Variants in NKPD1 observed in about 807,000 individuals in gnomAD.
NKPD1 encodes NTPase KAP family P-loop domain-containing protein 1.
Under a neutral mutation model 42.2 loss-of-function variants are expected in NKPD1, and 37 were observed. The ratio of observed to expected loss-of-function variants is 0.88; its 90% CI spans 0.67 to 1.15. The LOEUF is 1.15. Among genes scored for constraint, NKPD1 ranks in the 50% most tolerant of loss-of-function variants. The pLI is 0.00. For synonymous variants in NKPD1, 552 were observed against 536.5 expected, an observed-to-expected ratio of 1.03 and a Z score of -0.40; for missense variants, 1,113 against 1,174.6, an observed-to-expected ratio of 0.95 and a Z score of 0.77.
chr19:45,156,138 G>A (rs1423355651), intron 3 of NKPD1, among the ~76,000 whole-genome samples: 6 of 152,304 alleles, frequency 3.9e-5, no homozygotes, highest in Middle Eastern at 3.4e-3. Context: ...CTGGGAGGCT[G>A]GAATCCCCCC....
At chr19:45,162,654 G>A (rs1308650061), upstream of NKPD1, among the ~76,000 whole-genome samples, 1 of 152,220 alleles carries the variant, frequency 6.6e-6, no homozygotes, top group Non-Finnish European at 1.5e-5. Context: ...CCTACACTCC[G>A]GGCACTCCCA....
Position 45,158,655 on chromosome 19 carries a change from G to T in NKPD1, c.529+8C>A, listed in dbSNP as rs1968946940. 1.7e-6 allele frequency: 2 copies of T among 1,163,842 alleles called. No individual in the cohort carries two copies. Among genetic ancestry groups the T allele is most frequent in the Non-Finnish European group, 2.2e-6 (2 of 929,650 alleles). The allele number at this position is 1,163,842 out of a possible 1,614,324, so 72.1% of individuals were successfully genotyped here. On this transcript the variant is annotated splice_region_variant and intron_variant, in intron 3 of 4. Coordinates refer to ENST00000686631, the MANE Select transcript of NKPD1 (RefSeq NM_198478.4). The surrounding 1 kb of genome is among the most constrained non-coding windows in gnomAD (Gnocchi z 4.6). The stretch of plus-strand genomic sequence containing the variant: ...GGACAGGGCCCCCAAGAAGGCCAGG[G>T]TGAGCACCGGAGCTGTAGGCAGTGA...
upstream of NKPD1, among the ~76,000 whole-genome samples, chr19:45,161,323 T>C (rs1969001348): frequency 6.6e-6 from 1 of 152,214 alleles, no homozygotes; most frequent in African/African-American, 2.4e-5. Context: ...TCCTCATTGC[T>C]GAGTGGGCAC....
At chr19:45,161,379 C>G (rs1969002759), upstream of NKPD1, among the ~76,000 whole-genome samples, 1 of 152,198 alleles carries the variant, frequency 6.6e-6, no homozygotes, top group Non-Finnish European at 1.5e-5. Context: ...TGGGAGTCCC[C>G]TCAGCTCAGG....
At chr19:45,155,661 G>C in intron 4 of NKPD1, 124 bp downstream of exon 4, 3 of 970,212 alleles carry the variant, frequency 3.1e-6, no homozygotes, top group Non-Finnish European at 4.2e-6. Flanking sequence ...ATGGGCTTGG[G>C]GAGGGCCTGG....
intron 2 of NKPD1, among the ~76,000 whole-genome samples, chr19:45,159,627 G>GA (rs1478392059): frequency 6.6e-6 from 1 of 152,114 alleles, no homozygotes; most frequent in Non-Finnish European, 1.5e-5. Context: ...TGAGGAGGCT[G>GA]AATCAGCCCC....
chr19:45,153,699 G>A lies in NKPD1; in HGVS notation c.738C>T (p.Ser246=), dbSNP rs768313896. 3 of 1,542,874 alleles carry A rather than the reference G, an allele frequency of 1.9e-6. No homozygotes were observed. The highest frequency in any genetic ancestry group is 2.4e-5 in the East Asian group (1 of 41,448). Residue 246 remains serine, a synonymous_variant, in exon 5 of 5, where the codon AGC becomes AGT. Transcript: ENST00000686631. The part of the protein sequence containing the change: ...QHVQWRPRAV[S]GWGVPQLLWY... Reference sequence around the variant, plus strand: ...ACAGTAGCTGCGGGACGCCCCAGCCGCTCACGGCACGCGGCCGCCACTGCA... The same window carrying A: ...ACAGTAGCTGCGGGACGCCCCAGCCACTCACGGCACGCGGCCGCCACTGCA...
Position 45,153,140 on chromosome 19 carries a change from CCTT to C in NKPD1, c.1294_1296del (p.Lys432del). The C allele has an allele frequency of 1.3e-6, 2 of 1,576,958 alleles. No homozygotes were observed. The highest frequency in any genetic ancestry group is 1.7e-6 in the Non-Finnish European group (2 of 1,162,222). Reference sequence around the variant, plus strand: ...AGGAAGTCGGTGAGCAGCTCCACCTCCTTCTTCACCTCGCACATGAAACCCAGC... The same window carrying C: ...AGGAAGTCGGTGAGCAGCTCCACCTCCTTCACCTCGCACATGAAACCCAGC... On this transcript the variant is annotated inframe_deletion, in exon 5 of 5. Transcript: ENST00000686631.
upstream of NKPD1, among the ~76,000 whole-genome samples, chr19:45,161,313 T>C (rs544309661): frequency 6.6e-6 from 1 of 152,310 alleles, no homozygotes; most frequent in Admixed American, 6.5e-5. Flanking sequence ...AGCCATGGCT[T>C]CCTCATTGCT....
chr19:45,158,197 G>A lies in NKPD1; in HGVS notation c.529+466C>T, dbSNP rs1968938933. Among the ~76,000 whole-genome samples, 1 of 152,220 alleles carries A rather than the reference G, an allele frequency of 6.6e-6. No individual in the cohort carries two copies. Among genetic ancestry groups the A allele is most frequent in the South Asian group, 2.1e-4 (1 of 4,836 alleles). ...CTAGTCATGGAGTGAATGAGGGAGG[G>A]AGAGAGCAAGCAAGTGGGTCTTCCC... On this transcript the variant is annotated intron_variant, in intron 3 of 4. Transcript: ENST00000686631. This position sits in a 1 kb window ranked among gnomAD's most constrained non-coding sequence, Gnocchi z 4.6.
chr19:45,158,549 A>C lies in NKPD1; in HGVS notation c.529+114T>G, dbSNP rs1968945223. On this transcript the variant is annotated intron_variant, in intron 3 of 4. Transcript: ENST00000686631. The surrounding 1 kb of genome is among the most constrained non-coding windows in gnomAD (Gnocchi z 4.6). ...GACGCACCCCTCCTAGATAGGGAAC[A>C]GGGTGTGGATGAAGAGGGCAGGTGC... 9.3e-7 allele frequency: 1 copy of C among 1,079,772 alleles called. No homozygotes were observed. Among genetic ancestry groups the C allele is most frequent in the South Asian group, 2.2e-5 (1 of 44,618 alleles). 66.9% of individuals were successfully genotyped at this position (1,079,772 alleles called of 1,614,324 possible).
rs1367589964 is a variant in NKPD1, at chr19:45,152,472, CG to C, written c.1964del (p.Ala655GlyfsTer13). On this transcript the variant is annotated frameshift_variant, in exon 5 of 5. Coordinates refer to ENST00000686631, the MANE Select transcript of NKPD1 (RefSeq NM_198478.4). LOFTEE classifies it low-confidence loss of function (END_TRUNC). ...FGGPTPRQAV[A>X]WVVLANQWPC... ...GCCACTGGTTGGCGAGCACCACCCACGCCACCGCCTGGCGCGGCGTGGGGCC... is the reference window on the plus strand; with the variant it reads ...GCCACTGGTTGGCGAGCACCACCCACCCACCGCCTGGCGCGGCGTGGGGCC... 6.4e-7 allele frequency: 1 copy of C among 1,552,622 alleles called. No individual in the cohort carries two copies. Among genetic ancestry groups the C allele is most frequent in the Non-Finnish European group, 8.7e-7 (1 of 1,155,888 alleles).
rs958754045 is a variant in NKPD1 at position 45,158,239 on chromosome 19, C to T, written c.529+424G>A. Among the ~76,000 whole-genome samples the T allele has an allele frequency of 1.1e-4, 16 of 152,324 alleles. No individual in the cohort carries two copies. The highest frequency in any genetic ancestry group is 8.5e-4 in the Admixed American group (13 of 15,302). On this transcript the variant is annotated intron_variant, in intron 3 of 4. Coordinates refer to ENST00000686631, the MANE Select transcript of NKPD1 (RefSeq NM_198478.4). The surrounding 1 kb of genome is among the most constrained non-coding windows in gnomAD (Gnocchi z 4.6). Reference sequence around the variant, plus strand: ...GGTCTTCCCATTGCTGACCTTTGCTCTCCGTTCCCCAGGCTACTCCCTAGC... The same window carrying T: ...GGTCTTCCCATTGCTGACCTTTGCTTTCCGTTCCCCAGGCTACTCCCTAGC...
Position 45,151,438 on chromosome 19 carries a change from G to T in NKPD1, c.*500C>A, listed in dbSNP as rs1289562979. ...ACAGAGGGGCAAGCTAGGGCATGGG[G>T]ACAAGGACTGGGATTCCCTGAGGCC... On this transcript the variant is annotated 3_prime_UTR_variant, in exon 5 of 5. Coordinates refer to ENST00000686631, the MANE Select transcript of NKPD1 (RefSeq NM_198478.4). 6.5e-6 allele frequency: 1 copy of T among 153,774 alleles called. No individual in the cohort carries two copies. The highest frequency in any genetic ancestry group is 1.4e-5 in the Non-Finnish European group (1 of 69,106). 9.5% of individuals were successfully genotyped at this position (153,774 alleles called of 1,614,324 possible).
chr19:45,152,500 C>T lies in NKPD1; in HGVS notation c.1937G>A (p.Gly646Glu), dbSNP rs781671360. 3 of 1,562,336 alleles carry T rather than the reference C, an allele frequency of 1.9e-6. No homozygotes were observed. The highest frequency in any genetic ancestry group is 1.2e-5 in the South Asian group (1 of 86,642). ...CACCGCCTGGCGCGGCGTGGGGCCC[C>T]CAAAGTCCCCCTGCTGCTGCTGCTG... The part of the protein sequence containing the change: ...LQQQQQQGDF[G>E]GPTPRQAVAW... Residue 646 changes from glycine (G) to glutamate (E), a missense_variant, in exon 5 of 5, where the codon GGG becomes GAG. Gly to Glu is a moderately conservative substitution (Grantham distance 98). Transcript: ENST00000686631.
At chr19:45,159,188 C>T (rs1968962594) in intron 2 of NKPD1, 88 bp from the exon 3 acceptor site, 1 of 1,188,912 alleles carries the variant, frequency 8.4e-7, no homozygotes, top group Non-Finnish European at 1.1e-6. Flanking sequence ...TCAGGTAGAA[C>T]CTGGGGGCCA....
At chr19:45,159,603 C>T (rs1213833290) in intron 2 of NKPD1, among the ~76,000 whole-genome samples, 3 of 152,090 alleles carry the variant, frequency 2.0e-5, no homozygotes. Flanking sequence ...AAGCTCCAGC[C>T]CTCGCCCTAG....
upstream of NKPD1, among the ~76,000 whole-genome samples, chr19:45,161,486 G>T (rs190305066): frequency 6.2e-4 from 94 of 152,334 alleles, no homozygotes; most frequent in African/African-American, 2.1e-3. Context: ...ACACATCAAG[G>T]CTTGCTACAC....
intron 2 of NKPD1, among the ~76,000 whole-genome samples, chr19:45,159,444 G>A (rs530458080): frequency 1.3e-4 from 20 of 152,282 alleles, no homozygotes; most frequent in African/African-American, 4.8e-4. Flanking sequence ...CAGGGAAACT[G>A]AGAAGATCCA....
Sources: allele counts gnomAD v4.1 joint callset (sites outside exome capture counted in the v4.1 genomes callset), GRCh38; gene constraint gnomAD v4.1.1; non-coding constraint Gnocchi (gnomAD v3.1); transcripts MANE v1.5; gene names NCBI Gene and HGNC (gene_info 2026-07-23, HGNC 2026-07-21).